The following TMEM132D variants were observed in gnomAD, a reference collection of about 807,000 sequenced individuals.
The protein encoded by TMEM132D is mature OL transmembrane protein.
TMEM132D carries 21 observed loss-of-function variants against 62.3 expected under a neutral mutation model. That is an observed-to-expected ratio of 0.34 (90% CI 0.24 to 0.49). The LOEUF (loss-of-function observed/expected upper bound fraction) is 0.49. Ranked by LOEUF, TMEM132D falls within the 20% of genes least tolerant of loss-of-function variation. The pLI, the probability that TMEM132D is intolerant of heterozygous loss-of-function variation, is 0.99. For synonymous variants in TMEM132D, 621 were observed against 575.6 expected (o/e 1.08, Z -1.13); for missense variants, 1,346 against 1,402.8 (o/e 0.96, Z 0.65).
At chr12:129,624,489 A>T (rs1879160200) in intron 2 of TMEM132D, among the ~76,000 whole-genome samples, 1 of 152,206 alleles carries the variant, frequency 6.6e-6, no homozygotes, top group Non-Finnish European at 1.5e-5. Flanking sequence ...GACCCAGAGG[A>T]GCTTGGGGAG....
intron 2 of TMEM132D, among the ~76,000 whole-genome samples, chr12:129,652,072 A>G (rs938993632): frequency 2.0e-5 from 3 of 152,240 alleles, no homozygotes; most frequent in African/African-American, 7.2e-5. Context: ...GTCAGCCAGC[A>G]TAGGAAGAGG....
chr12:129,586,347 CTG>C (rs1282919130), intron 2 of TMEM132D, among the ~76,000 whole-genome samples: 1 of 152,190 alleles, frequency 6.6e-6, no homozygotes, highest in African/African-American at 2.4e-5. Flanking sequence ...TAAGATGAAA[CTG>C]TGACCTATCT....
chr12:129,468,464 T>A (rs1035415847), intron 3 of TMEM132D, among the ~76,000 whole-genome samples: 3 of 152,178 alleles, frequency 2.0e-5, no homozygotes, highest in African/African-American at 7.2e-5. Flanking sequence ...CAAGGCAGCA[T>A]CTCTGCATCC....
At chr12:129,153,248 G>A (rs1877130677) in intron 5 of TMEM132D, among the ~76,000 whole-genome samples, 1 of 152,206 alleles carries the variant, frequency 6.6e-6, no homozygotes, top group South Asian at 2.1e-4. Context: ...GGAGTCAGCC[G>A]CGATAGAATG....
chr12:129,616,051 A>C (rs550583806), intron 2 of TMEM132D, among the ~76,000 whole-genome samples: 1 of 152,286 alleles, frequency 6.6e-6, no homozygotes, highest in African/African-American at 2.4e-5. Context: ...GAGAAACAAA[A>C]CAACACATTA....
intron 1 of TMEM132D, among the ~76,000 whole-genome samples, chr12:129,757,171 T>C (rs1870193278): frequency 6.1e-5 from 1 of 16,364 alleles, no homozygotes; most frequent in African/African-American, 6.5e-5. Flanking sequence ...TTTATAACTA[T>C]AAAGCATGTC....
At chr12:129,826,829 T>A (rs1466795274) in intron 1 of TMEM132D, among the ~76,000 whole-genome samples, 1 of 151,998 alleles carries the variant, frequency 6.6e-6, no homozygotes, top group East Asian at 1.9e-4. Flanking sequence ...GAAGCTTCGC[T>A]GGTCAACCAG....
intron 4 of TMEM132D, among the ~76,000 whole-genome samples, chr12:129,251,035 T>G (rs969398536): frequency 1.3e-5 from 2 of 152,132 alleles, no homozygotes; most frequent in African/African-American, 2.4e-5. Flanking sequence ...TCACCATGCA[T>G]GCTAAAATTT....
chr12:129,385,559 GGTT>G (rs1871086928), intron 3 of TMEM132D, among the ~76,000 whole-genome samples: 1 of 152,126 alleles, frequency 6.6e-6, no homozygotes, highest in East Asian at 1.9e-4. Flanking sequence ...CTATATAACT[GGTT>G]GATTTGCAAG....
At chr12:129,243,299 C>T (rs912766273) in intron 4 of TMEM132D, among the ~76,000 whole-genome samples, 5 of 152,134 alleles carry the variant, frequency 3.3e-5, no homozygotes, top group African/African-American at 7.2e-5. Flanking sequence ...TTCTATTTTA[C>T]ACGAGGATTT....
intron 3 of TMEM132D, among the ~76,000 whole-genome samples, chr12:129,530,224 T>C (rs931457319): frequency 7.9e-5 from 12 of 152,150 alleles, no homozygotes; most frequent in Admixed American, 6.5e-4. Flanking sequence ...CTAGAATAAA[T>C]AATAAAAAAT....
intron 3 of TMEM132D, among the ~76,000 whole-genome samples, chr12:129,419,657 T>C (rs781287266): frequency 6.6e-6 from 1 of 152,242 alleles, no homozygotes; most frequent in Non-Finnish European, 1.5e-5. Context: ...TGCCTCCGGT[T>C]GCATTTTCTG....
chr12:129,243,197 G>C (rs117744870), intron 4 of TMEM132D, among the ~76,000 whole-genome samples: 2,924 of 152,270 alleles, frequency 0.019, 56 homozygotes, highest in Non-Finnish European at 0.028. Context: ...CAATCATTAA[G>C]TGCTTTATCA....
At chr12:129,816,596 C>T (rs1872351522) in intron 1 of TMEM132D, among the ~76,000 whole-genome samples, 2 of 152,082 alleles carry the variant, frequency 1.3e-5, no homozygotes, top group South Asian at 4.1e-4. Flanking sequence ...CATCTTTGAG[C>T]ATATACAAGA....
chr12:129,541,866 C>G (rs1876593550), intron 2 of TMEM132D, among the ~76,000 whole-genome samples: 1 of 152,176 alleles, frequency 6.6e-6, no homozygotes, highest in South Asian at 2.1e-4. Context: ...ACACAGAAAC[C>G]TGGATGCCCT....
chr12:129,720,695 G>A (rs1325822299), intron 1 of TMEM132D, among the ~76,000 whole-genome samples: 3 of 152,176 alleles, frequency 2.0e-5, no homozygotes, highest in African/African-American at 7.2e-5. Flanking sequence ...CCCAGTCATC[G>A]TCTCCGAATT....
intron 2 of TMEM132D, among the ~76,000 whole-genome samples, chr12:129,577,605 A>G (rs1273995250): frequency 6.6e-6 from 1 of 151,772 alleles, no homozygotes; most frequent in Non-Finnish European, 1.5e-5. Context: ...TACTGAAAAG[A>G]GACTAGTATC....
chr12:129,333,207 C>T (rs1869166217), intron 4 of TMEM132D, among the ~76,000 whole-genome samples: 1 of 152,142 alleles, frequency 6.6e-6, no homozygotes, highest in Non-Finnish European at 1.5e-5. Flanking sequence ...GAGGAAGCTG[C>T]AGGAAAATGG....
At chr12:129,564,836 G>T (rs928488101) in intron 2 of TMEM132D, among the ~76,000 whole-genome samples, 2 of 152,212 alleles carry the variant, frequency 1.3e-5, no homozygotes, top group Non-Finnish European at 2.9e-5. Context: ...GGGTATTGTT[G>T]TCAGGCTGGC....
Sources: gnomAD v4.1 joint callset for allele counts (sites outside exome capture counted in the v4.1 genomes callset) on GRCh38, gnomAD v4.1.1 for gene constraint, MANE v1.5 for transcripts, NCBI Gene and HGNC (gene_info 2026-07-23, HGNC 2026-07-21) for gene names.